PTPRD: variants seen among roughly 807,000 people sequenced by gnomAD.
PTPRD encodes the protein receptor-type tyrosine-protein phosphatase delta.
PTPRD carries 34 observed loss-of-function variants against 214.5 expected under a neutral mutation model. That is an observed-to-expected ratio of 0.16 (90% CI 0.12 to 0.21). PTPRD has a LOEUF of 0.21. Ranked by LOEUF, PTPRD falls within the 10% of genes least tolerant of loss-of-function variation. PTPRD has a pLI of 1.00. For missense variants in PTPRD, 2,545 were observed against 2,398.7 expected (o/e 1.06, Z -1.27); for synonymous variants, 1,128 against 845.7 (o/e 1.33, Z -5.79).
chr9:9,386,164 C>T (rs2063801685), intron 9 of PTPRD, among the ~76,000 whole-genome samples: 1 of 152,094 alleles, frequency 6.6e-6, no homozygotes, highest in Non-Finnish European at 1.5e-5. Flanking sequence ...ATGACAGCGT[C>T]CAATATATGT....
intron 3 of PTPRD, among the ~76,000 whole-genome samples, chr9:10,091,998 G>C (rs2098436728): frequency 6.6e-6 from 1 of 151,298 alleles, no homozygotes; most frequent in African/African-American, 2.4e-5. Context: ...TTTATAATGA[G>C]ATTGTACATT....
intron 7 of PTPRD, among the ~76,000 whole-genome samples, chr9:9,643,179 CAGTTTAG>C (rs1271568267): frequency 1.0e-3 from 159 of 152,278 alleles, no homozygotes; most frequent in African/African-American, 3.8e-3. Context: ...TCAGACCACA[CAGTTTAG>C]AATGTCCTTT....
At chr9:10,266,508 T>C (rs576986262) in intron 3 of PTPRD, among the ~76,000 whole-genome samples, 2 of 152,328 alleles carry the variant, frequency 1.3e-5, no homozygotes, top group African/African-American at 4.8e-5. Flanking sequence ...TCACTTATAA[T>C]TTATGCAGAA....
At chr9:8,743,106 A>T (rs2092292458) in intron 11 of PTPRD, among the ~76,000 whole-genome samples, 1 of 95,640 alleles carries the variant, frequency 1.0e-5, no homozygotes, top group Non-Finnish European at 2.5e-5. Context: ...TTCCAAATTA[A>T]AAAAAAAAGG....
At chr9:9,566,593 A>G (rs1188724455) in intron 8 of PTPRD, among the ~76,000 whole-genome samples, 2 of 152,024 alleles carry the variant, frequency 1.3e-5, no homozygotes, top group African/African-American at 2.4e-5. Context: ...TATTACATAG[A>G]CTATGTATTT....
chr9:10,349,351 CG>C (rs1446893034), intron 2 of PTPRD, among the ~76,000 whole-genome samples: 2 of 152,060 alleles, frequency 1.3e-5, no homozygotes, highest in African/African-American at 4.8e-5. Flanking sequence ...CACACAAACA[CG>C]CACACAAACA....
At chr9:9,654,192 GA>G (rs1455748802) in intron 7 of PTPRD, among the ~76,000 whole-genome samples, 1 of 152,082 alleles carries the variant, frequency 6.6e-6, no homozygotes, top group Non-Finnish European at 1.5e-5. Context: ...TAATAGCACT[GA>G]AAGACTTTTT....
At chr9:8,595,625 T>C (rs1173939581) in intron 14 of PTPRD, among the ~76,000 whole-genome samples, 1 of 152,174 alleles carries the variant, frequency 6.6e-6, no homozygotes, top group Non-Finnish European at 1.5e-5. Flanking sequence ...TCTTTGTGCT[T>C]AGAAAGTTTA....
chr9:8,437,062 G>A, intron 34 of PTPRD: 1 of 665,876 alleles, frequency 1.5e-6, no homozygotes, highest in Non-Finnish European at 2.5e-6. Context: ...CCTGCACTGT[G>A]TGAAATGGAA....
chr9:9,912,966 G>A (rs1030457008), intron 5 of PTPRD, among the ~76,000 whole-genome samples: 3 of 152,006 alleles, frequency 2.0e-5, no homozygotes, highest in Admixed American at 2.0e-4. Context: ...CTTTATGAAT[G>A]CAAATAAAGA....
chr9:10,024,524 T>C (rs563396142), intron 4 of PTPRD, among the ~76,000 whole-genome samples: 1 of 152,330 alleles, frequency 6.6e-6, no homozygotes, highest in East Asian at 1.9e-4. Flanking sequence ...ACTGTAGTCA[T>C]GTCCTAATTC....
chr9:9,184,609 C>A (rs979691000), intron 9 of PTPRD, among the ~76,000 whole-genome samples: 1 of 152,004 alleles, frequency 6.6e-6, no homozygotes. Flanking sequence ...AATTAAATTT[C>A]TCTTCTTTAA....
chr9:8,651,825 C>A (rs1320152972), intron 12 of PTPRD, among the ~76,000 whole-genome samples: 1 of 152,104 alleles, frequency 6.6e-6, no homozygotes, highest in Non-Finnish European at 1.5e-5. Context: ...TTTCACCTCT[C>A]CTGGTAAGAG....
chr9:9,575,776 A>G (rs1350887321), intron 7 of PTPRD, among the ~76,000 whole-genome samples: 1 of 117,818 alleles, frequency 8.5e-6, no homozygotes, highest in African/African-American at 3.6e-5. Context: ...AAAGAAAAAG[A>G]AAGAAAAAGA....
At chr9:8,713,779 C>A (rs991490902) in intron 12 of PTPRD, 2 of 1,535,742 alleles carry the variant, frequency 1.3e-6, no homozygotes, top group African/African-American at 2.7e-5. Flanking sequence ...GCTGCCCCAC[C>A]GGGTCCTGCG....
At chr9:8,737,726 C>T (rs1399360507) in intron 11 of PTPRD, among the ~76,000 whole-genome samples, 1 of 152,152 alleles carries the variant, frequency 6.6e-6, no homozygotes, top group African/African-American at 2.4e-5. Flanking sequence ...TCTCAGCTCT[C>T]TGCTACCTCC....
intron 43 of PTPRD, among the ~76,000 whole-genome samples, chr9:8,333,305 A>G (rs1843280599): frequency 6.6e-6 from 1 of 152,154 alleles, no homozygotes; most frequent in Admixed American, 6.6e-5. Context: ...TGGGGATTTC[A>G]TTTCTGACCA....
intron 2 of PTPRD, among the ~76,000 whole-genome samples, chr9:10,565,916 C>A (rs1191524049): frequency 6.6e-6 from 1 of 151,808 alleles, no homozygotes; most frequent in Non-Finnish European, 1.5e-5. Context: ...TAAGGTTAAC[C>A]ACTAATTTGA....
chr9:10,150,685 AT>A (rs2099055001), intron 3 of PTPRD, among the ~76,000 whole-genome samples: 1 of 151,798 alleles, frequency 6.6e-6, no homozygotes, highest in Non-Finnish European at 1.5e-5. Context: ...AATGAAAAAA[AT>A]AATAATCTTT....
Sources: allele counts gnomAD v4.1 joint callset (sites outside exome capture counted in the v4.1 genomes callset), GRCh38; gene constraint gnomAD v4.1.1; transcripts MANE v1.5; gene names NCBI Gene and HGNC (gene_info 2026-07-23, HGNC 2026-07-21).